The following RIN3 variants were observed in gnomAD, a reference collection of about 807,000 sequenced individuals.
RIN3 encodes Ras and Rab interactor 3, also known as RAB5 interacting protein 3.
Under a neutral mutation model 76.3 loss-of-function variants are expected in RIN3, and 54 were observed. That is an observed-to-expected ratio of 0.71 (90% CI 0.57 to 0.89). The LOEUF (loss-of-function observed/expected upper bound fraction) is 0.89. Ranked by LOEUF, RIN3 falls within the 40% of genes least tolerant of loss-of-function variation. RIN3 has a pLI of 0.00. For synonymous variants in RIN3, 576 were observed against 564.0 expected (o/e 1.02, Z -0.30); for missense variants, 1,256 against 1,322.1 (o/e 0.95, Z 0.78).
At chr14:92,646,527 C>T (rs1469489415) in intron 5 of RIN3, among the ~76,000 whole-genome samples, 2 of 152,202 alleles carry the variant, frequency 1.3e-5, no homozygotes, top group African/African-American at 4.8e-5. Flanking sequence ...CTCTGCCTCC[C>T]AGGTTTAAGC....
rs373028854 is a variant in RIN3, at chr14:92,676,588, G to A, written c.2449G>A (p.Ala817Thr). Residue 817 changes from alanine (A) to threonine (T), a missense_variant, in exon 8 of 10, where the codon GCC becomes ACC. Physicochemically the swap from Ala to Thr is moderately conservative, Grantham distance 58 (BLOSUM62 0). This residue lies in a region of RIN3 where 428 missense variants were observed against 521.2 expected (regional missense o/e 0.82). Coordinates refer to ENST00000216487, the MANE Select transcript of RIN3 (RefSeq NM_024832.5). ...VEYMMELMDP[A>T]LQLGEGSYYL... The stretch of plus-strand genomic sequence containing the variant: ...GTACATGATGGAGCTCATGGACCCC[G>A]CCCTGCAGCTGGGGGAGGGTGAGTC... 3.8e-5 allele frequency: 61 copies of A among 1,613,452 alleles called. No individual in the cohort carries two copies. Among genetic ancestry groups the A allele is most frequent in the Middle Eastern group, 3.3e-4 (2 of 6,084 alleles).
At position 92,652,796 on chromosome 14, in the gene RIN3, A is replaced by G. The variant is rs774545078; in HGVS notation, c.1747A>G (p.Ser583Gly). ...MILGKARHRLSFASFSSMFHA... is the reference protein window; with the variant it reads ...MILGKARHRLGFASFSSMFHA... ...CCTGGGCAAGGCTCGGCACCGGCTG[A>G]GCTTTGCCAGTTTCAGCAGCATGTT... Residue 583 changes from serine (S) to glycine (G), a missense_variant, in exon 6 of 10, where the codon AGC becomes GGC. Physicochemically the swap from Ser to Gly is moderately conservative, Grantham distance 56. Transcript: ENST00000216487. The surrounding 1 kb of genome is among the most constrained non-coding windows in gnomAD (Gnocchi z 6.4). The G allele has an allele frequency of 6.2e-7, 1 of 1,614,002 alleles. No individual in the cohort carries two copies. The highest frequency in any genetic ancestry group is 8.5e-7 in the Non-Finnish European group (1 of 1,180,022).
At chr14:92,655,341 CTG>C (rs1887628865) in intron 6 of RIN3, among the ~76,000 whole-genome samples, 1 of 152,142 alleles carries the variant, frequency 6.6e-6, no homozygotes, top group Non-Finnish European at 1.5e-5. Context: ...GAGCGAGACT[CTG>C]TCTCAAGAAG....
At chr14:92,611,317 C>T (rs371467820) in intron 3 of RIN3, among the ~76,000 whole-genome samples, 36 of 152,260 alleles carry the variant, frequency 2.4e-4, no homozygotes, top group South Asian at 1.5e-3. Context: ...GACAGAGTCT[C>T]GCTCTATCCC....
intron 7 of RIN3, among the ~76,000 whole-genome samples, chr14:92,668,220 G>A (rs1027803713): frequency 1.3e-5 from 2 of 152,222 alleles, no homozygotes; most frequent in African/African-American, 4.8e-5. Flanking sequence ...TGGTTGACCT[G>A]AGACTTGAAC....
intron 2 of RIN3, among the ~76,000 whole-genome samples, chr14:92,570,313 G>A (rs986170102): frequency 6.2e-5 from 6 of 96,912 alleles, no homozygotes; most frequent in Admixed American, 4.8e-4. Flanking sequence ...GAGTTCCCTC[G>A]TGGCAGATAC....
Position 92,684,980 on chromosome 14 carries a change from C to T in RIN3, c.2468-7C>T, listed in dbSNP as rs753811343. 5.6e-6 allele frequency: 9 copies of T among 1,606,592 alleles called. No individual in the cohort carries two copies. Among genetic ancestry groups the T allele is most frequent in the Admixed American group, 3.3e-5 (2 of 59,844 alleles). On this transcript the variant is annotated splice_region_variant and splice_polypyrimidine_tract_variant and intron_variant, in intron 8 of 9. Transcript: ENST00000216487. ...CTGGCTCAGATTCCACACCCTTGTCCACGCAGGTTCCTACTATCTGACCAC... is the reference window on the plus strand; with the variant it reads ...CTGGCTCAGATTCCACACCCTTGTCTACGCAGGTTCCTACTATCTGACCAC...
chr14:92,633,789 G>A (rs1162870756), intron 4 of RIN3, among the ~76,000 whole-genome samples: 1 of 151,998 alleles, frequency 6.6e-6, no homozygotes, highest in Admixed American at 6.6e-5. Flanking sequence ...AAAGTAAACT[G>A]GACTAGAAAC....
intron 8 of RIN3, among the ~76,000 whole-genome samples, chr14:92,679,543 C>T (rs1224213540): frequency 3.3e-5 from 5 of 152,214 alleles, no homozygotes; most frequent in Non-Finnish European, 4.4e-5. Context: ...CACCTTTCAA[C>T]AGCCTGGACA....
chr14:92,534,595 A>AC (rs1411234629), intron 1 of RIN3, among the ~76,000 whole-genome samples: 1 of 149,908 alleles, frequency 6.7e-6, no homozygotes, highest in Non-Finnish European at 1.5e-5. Context: ...CTCAAAAAAA[A>AC]AAAACAAAAA....
rs1897976413 is a variant in RIN3, at chr14:92,568,564, T to A, written c.250-8796T>A. Among the ~76,000 whole-genome samples, 1 of 152,172 alleles carries A rather than the reference T, an allele frequency of 6.6e-6. No individual in the cohort carries two copies. Among genetic ancestry groups the A allele is most frequent in the South Asian group, 2.1e-4 (1 of 4,824 alleles). ...AACAGAACAGACCCTCTGATTCCAGTTGGCCAAGGCAGACCACAGACCTGG... is the reference window on the plus strand; with the variant it reads ...AACAGAACAGACCCTCTGATTCCAGATGGCCAAGGCAGACCACAGACCTGG... On this transcript the variant is annotated intron_variant, in intron 2 of 9. Transcript: ENST00000216487. This position sits in a 1 kb window ranked among gnomAD's most constrained non-coding sequence, Gnocchi z 4.2.
At chr14:92,610,408 C>G (rs1348200030) in intron 3 of RIN3, among the ~76,000 whole-genome samples, 2 of 152,186 alleles carry the variant, frequency 1.3e-5, no homozygotes, top group East Asian at 3.8e-4. Flanking sequence ...ATCTTAACAC[C>G]TGAAGGCCCC....
chr14:92,667,559 C>T (rs1595498862), intron 7 of RIN3, among the ~76,000 whole-genome samples: 1 of 152,202 alleles, frequency 6.6e-6, no homozygotes, highest in East Asian at 1.9e-4. Flanking sequence ...ATCAAAGTCG[C>T]TCATGTTTAT....
At chr14:92,537,755 G>A (rs540484011) in intron 1 of RIN3, among the ~76,000 whole-genome samples, 32 of 147,896 alleles carry the variant, frequency 2.2e-4, no homozygotes, top group East Asian at 6.2e-4. Context: ...AGGTTCCAGC[G>A]ATTCTCCTGC....
At chr14:92,629,772 A>G (rs1733742264) in intron 4 of RIN3, among the ~76,000 whole-genome samples, 1 of 152,222 alleles carries the variant, frequency 6.6e-6, no homozygotes, top group African/African-American at 2.4e-5. Context: ...CATTCTACAG[A>G]TGAGGAAACG....
chr14:92,641,340 T>C lies in RIN3; in HGVS notation c.532+11T>C. 2 of 1,605,702 alleles carry C rather than the reference T, an allele frequency of 1.2e-6. No homozygotes were observed. Among genetic ancestry groups the C allele is most frequent in the Non-Finnish European group, 1.7e-6 (2 of 1,172,400 alleles). On this transcript the variant is annotated intron_variant, in intron 5 of 9. Transcript: ENST00000216487. ...CCAACCTGGGTCTGGGTGAGTCTTC[T>C]CCGAGGGGTTAGGGGAGCTGGTGGG...
chr14:92,652,281 T>C lies in RIN3; in HGVS notation c.1232T>C (p.Leu411Pro), dbSNP rs746104474. Residue 411 changes from leucine to proline, a missense_variant, in exon 6 of 10, where the codon CTC becomes CCC. Physicochemically the swap from Leu to Pro is moderately conservative, Grantham distance 98. This residue lies in a region of RIN3 where 610 missense variants were observed against 626.4 expected (regional missense o/e 0.97). Transcript: ENST00000216487. The surrounding 1 kb of genome is among the most constrained non-coding windows in gnomAD (Gnocchi z 6.4). ...GGGATGGCGGCAGAGGGGGACCAGC[T>C]CAGCCTGCCTCCCCAAGGGACCTCA... ...SPGMAAEGDQ[L>P]SLPPQGTSDG... 6.2e-7 allele frequency: 1 copy of C among 1,610,812 alleles called. No homozygotes were observed. The highest frequency in any genetic ancestry group is 8.5e-7 in the Non-Finnish European group (1 of 1,177,920).
At chr14:92,609,593 G>T (rs1477294969) in intron 3 of RIN3, among the ~76,000 whole-genome samples, 1 of 152,184 alleles carries the variant, frequency 6.6e-6, no homozygotes, top group Admixed American at 6.5e-5. Context: ...GGTGCTGGAC[G>T]GCCTGAGGCT....
At chr14:92,593,538 T>C (rs1885054530) in intron 3 of RIN3, among the ~76,000 whole-genome samples, 1 of 151,484 alleles carries the variant, frequency 6.6e-6, no homozygotes, top group Non-Finnish European at 1.5e-5. Flanking sequence ...CCAGGGCCTA[T>C]TGTGGGGTGG....
Sources: allele counts gnomAD v4.1 joint callset (sites outside exome capture counted in the v4.1 genomes callset), GRCh38; gene constraint gnomAD v4.1.1; regional missense constraint gnomAD v4.1.1; non-coding constraint Gnocchi (gnomAD v3.1); transcripts MANE v1.5; gene names NCBI Gene and HGNC (gene_info 2026-07-23, HGNC 2026-07-21).